Variants in MAST2 observed in about 807,000 individuals in gnomAD.
The protein encoded by MAST2 is microtubule associated serine/threonine kinase 2.
In MAST2, 70 loss-of-function variants were observed where a neutral mutation model predicts 147.4. The observed-to-expected ratio is 0.47, with a 90% CI of 0.39 to 0.58. MAST2 has a LOEUF of 0.58. MAST2 is among the 20% of genes least tolerant of loss of function. MAST2 has a pLI of 0.00. For synonymous variants in MAST2, 869 were observed against 896.8 expected (o/e 0.97, Z 0.55); for missense variants, 2,080 against 2,302.3 (o/e 0.90, Z 1.98).
At chr1:46,004,561 A>G (rs913776510) in intron 7 of MAST2, among the ~76,000 whole-genome samples, 16 of 152,208 alleles carry the variant, frequency 1.1e-4, no homozygotes, top group African/African-American at 3.4e-4. Flanking sequence ...ATAGCTGGTA[A>G]GAATATTTTT....
chr1:45,823,174 C>G (rs4376778), intron 1 of MAST2, among the ~76,000 whole-genome samples: 67,496 of 151,238 alleles, frequency 0.45, 15,245 homozygotes, highest in East Asian at 0.62. Context: ...ACTCACTAAT[C>G]ACAATATATA....
chr1:45,813,532 CTT>C (rs1381318301), intron 1 of MAST2, among the ~76,000 whole-genome samples: 1 of 143,486 alleles, frequency 7.0e-6, no homozygotes, highest in Non-Finnish European at 1.5e-5. Context: ...AAGTTTTGCT[CTT>C]GTCCCCCAGT....
chr1:46,027,568 G>A (rs756356694), intron 16 of MAST2, among the ~76,000 whole-genome samples, 163 bp from the exon 17 acceptor site: 3 of 152,192 alleles, frequency 2.0e-5, no homozygotes, highest in Admixed American at 6.5e-5. Context: ...CAGCCAGAGC[G>A]ATTTACGTGT....
intron 5 of MAST2, among the ~76,000 whole-genome samples, chr1:45,976,110 G>A (rs1250996529): frequency 1.3e-5 from 2 of 151,958 alleles, no homozygotes; most frequent in Non-Finnish European, 2.9e-5. Context: ...AAGTAGCTGG[G>A]ACTGCAGGTG....
At position 46,022,931 on chromosome 1, in the gene MAST2, G is replaced by C; in HGVS notation, c.1445G>C (p.Cys482Ser). ...PLEEMAQLSS[C>S]DSPDTPETDD... ...CCAGAAATGGCCCAGTTGAGCAGCT[G>C]TGACAGTCCTGACACTCCAGAGACA... The change falls in exon 13 of 29, where the codon TGT becomes TCT. Residue 482 changes from cysteine to serine, a missense_variant. Cys to Ser is a moderately radical substitution (Grantham distance 112). Transcript: ENST00000361297. 6.2e-7 allele frequency: 1 copy of C among 1,614,200 alleles called. No homozygotes were observed. The highest frequency in any genetic ancestry group is 8.5e-7 in the Non-Finnish European group (1 of 1,180,022).
Position 45,841,468 on chromosome 1 carries a change from A to G in MAST2, c.468+11887A>G, listed in dbSNP as rs553273564. Among the ~76,000 whole-genome samples, 23 of 152,180 alleles carry G rather than the reference A, an allele frequency of 1.5e-4. No homozygotes were observed. The East Asian group carries it at 4.0e-3, about 27-fold the overall frequency. On this transcript the variant is annotated intron_variant, in intron 3 of 28. Coordinates refer to ENST00000361297, the MANE Select transcript of MAST2 (RefSeq NM_015112.3). ...ATATATATTTCTTCTGTATATATAT[A>G]TAATTACTGTGATACAGTAAGAAAT...
intron 3 of MAST2, among the ~76,000 whole-genome samples, chr1:45,881,323 T>C (rs2148289503): frequency 6.6e-6 from 1 of 152,346 alleles, no homozygotes. Context: ...GTGAAATATA[T>C]CCACATGGGT....
At position 45,924,742 on chromosome 1, in the gene MAST2, A is replaced by C. The variant is rs143913124; in HGVS notation, c.501-34644A>C. Among the ~76,000 whole-genome samples the C allele has an allele frequency of 6.7e-3, 1,026 of 152,280 alleles. 6 individuals carry two copies. Among genetic ancestry groups the C allele is most frequent in the Non-Finnish European group, 8.5e-3 (575 of 68,016 alleles). On this transcript the variant is annotated intron_variant, in intron 4 of 28. Coordinates refer to ENST00000361297, the MANE Select transcript of MAST2 (RefSeq NM_015112.3). Reference sequence around the variant, plus strand: ...GAACGTCACTGTATTTGGAGACAGGATCTTTAAAGGGGCAATTAAGGTTAA... The same window carrying C: ...GAACGTCACTGTATTTGGAGACAGGCTCTTTAAAGGGGCAATTAAGGTTAA...
intron 3 of MAST2, among the ~76,000 whole-genome samples, chr1:45,831,022 C>T (rs1197729912): frequency 1.4e-5 from 2 of 138,578 alleles, no homozygotes; most frequent in South Asian, 4.7e-4. Flanking sequence ...AGAGTGAGAC[C>T]TTGTCTGGAA....
intron 1 of MAST2, among the ~76,000 whole-genome samples, chr1:45,808,946 G>A (rs903913533): frequency 6.6e-6 from 1 of 151,786 alleles, no homozygotes; most frequent in Non-Finnish European, 1.5e-5. Flanking sequence ...CCTTAGGACC[G>A]TCTGCTTTTC....
intron 3 of MAST2, among the ~76,000 whole-genome samples, chr1:45,835,533 T>C (rs1323798886): frequency 6.6e-6 from 1 of 152,182 alleles, no homozygotes. Context: ...GAACATTTTA[T>C]CATCAGTTCT....
chr1:45,882,634 C>G (rs2148305662), intron 4 of MAST2, among the ~76,000 whole-genome samples: 1 of 152,324 alleles, frequency 6.6e-6, no homozygotes, highest in African/African-American at 2.4e-5. Flanking sequence ...ACATAGCATT[C>G]TGGGAAAGTT....
At chr1:45,989,154 ATTC>A (rs1455708503) in intron 5 of MAST2, among the ~76,000 whole-genome samples, 2 of 152,172 alleles carry the variant, frequency 1.3e-5, no homozygotes, top group African/African-American at 4.8e-5. Flanking sequence ...TTAAACATGA[ATTC>A]TTCTTGATGT....
intron 5 of MAST2, among the ~76,000 whole-genome samples, chr1:45,974,218 C>G (rs1477255064): frequency 1.3e-5 from 2 of 152,138 alleles, no homozygotes; most frequent in South Asian, 2.1e-4. Context: ...AACAGTCCTT[C>G]TCTAGGAATA....
chr1:45,988,102 TC>T (rs1644722009), intron 5 of MAST2, among the ~76,000 whole-genome samples: 1 of 152,162 alleles, frequency 6.6e-6, no homozygotes, highest in South Asian at 2.1e-4. Context: ...AGCCTCGACT[TC>T]CTGGGCTTAA....
At chr1:46,030,065 A>C in intron 20 of MAST2, 64 bp from the exon 21 acceptor site, 1 of 1,605,466 alleles carries the variant, frequency 6.2e-7, no homozygotes, top group Non-Finnish European at 8.5e-7. Context: ...GCTGAAATCT[A>C]ATGGGGTCAC....
intron 4 of MAST2, among the ~76,000 whole-genome samples, chr1:45,896,491 C>T (rs1648754197): frequency 1.3e-5 from 2 of 152,164 alleles, no homozygotes; most frequent in Admixed American, 1.3e-4. Context: ...CATCCTGAAG[C>T]TCACTGAACC....
chr1:45,840,103 A>T (rs1034160763), intron 3 of MAST2, among the ~76,000 whole-genome samples: 4 of 152,178 alleles, frequency 2.6e-5, no homozygotes, highest in South Asian at 2.1e-4. Flanking sequence ...AAAGGAAAAA[A>T]ATTGGCTTTT....
At chr1:45,951,475 C>T (rs1658922449) in intron 4 of MAST2, among the ~76,000 whole-genome samples, 1 of 150,406 alleles carries the variant, frequency 6.6e-6, no homozygotes, top group Admixed American at 6.6e-5. Flanking sequence ...CCCAGCTACC[C>T]TGGAGGCTGA....
Sources: gnomAD v4.1 joint callset for allele counts (sites outside exome capture counted in the v4.1 genomes callset) on GRCh38, gnomAD v4.1.1 for gene constraint, MANE v1.5 for transcripts, NCBI Gene and HGNC (gene_info 2026-07-23, HGNC 2026-07-21) for gene names.